Variants in DST observed in about 807,000 individuals in gnomAD.
DST encodes the protein dystonin, also known as bullous pemphigoid antigen.
Under a neutral mutation model 875.2 loss-of-function variants are expected in DST, and 253 were observed. The ratio of observed to expected loss-of-function variants is 0.29; its 90% CI spans 0.26 to 0.32. The LOEUF (loss-of-function observed/expected upper bound fraction) is 0.32. Among genes scored for constraint, DST ranks in the 10% least tolerant of loss-of-function variants. DST has a pLI of 1.00. For missense variants in DST, 8,287 were observed against 9,111.6 expected, an observed-to-expected ratio of 0.91 and a Z score of 3.68; for synonymous variants, 3,124 against 3,197.1, an observed-to-expected ratio of 0.98 and a Z score of 0.77.
rs920351862 is a variant in DST at position 56,679,665 on chromosome 6, G to A, written c.1048-8858C>T. Among the ~76,000 whole-genome samples the A allele has an allele frequency of 2.6e-4, 40 of 151,004 alleles. 1 individual carries two copies. Among genetic ancestry groups the A allele is most frequent in the African/African-American group, 7.6e-4 (31 of 40,992 alleles). Reference sequence around the variant, plus strand: ...ACGTGCCTGCGGTCCAAGCTTCCTCGGGCCCCTGAGGTGGGAGGATCACCT... The same window carrying A: ...ACGTGCCTGCGGTCCAAGCTTCCTCAGGCCCCTGAGGTGGGAGGATCACCT... On this transcript the variant is annotated intron_variant, in intron 9 of 103. Coordinates refer to ENST00000680361, the MANE Select transcript of DST (RefSeq NM_001374736.1).
chr6:56,581,540 G>A (rs909857843), intron 49 of DST, among the ~76,000 whole-genome samples: 2 of 152,160 alleles, frequency 1.3e-5, no homozygotes, highest in African/African-American at 4.8e-5. Context: ...TCAACAATGG[G>A]AAGGAGGAAA....
chr6:56,557,009 G>A (rs2097432768), intron 59 of DST, among the ~76,000 whole-genome samples: 1 of 152,112 alleles, frequency 6.6e-6, no homozygotes, highest in Admixed American at 6.5e-5. Flanking sequence ...TTACTTAATT[G>A]CATTAATACT....
Position 56,619,974 on chromosome 6 carries a change from G to T in DST, c.4929+4556C>A, listed in dbSNP as rs35599167. The T allele has an allele frequency of 3.0e-4, 481 of 1,613,934 alleles. 1 individual carries two copies. In the African/African-American group the frequency reaches 5.3e-3, roughly 18 times the overall value. Reference sequence around the variant, plus strand: ...TCTGCTTTCTGCTTGTCATGTTCTTGCTGGAGACCCGTTACTGCCCTGCAT... The same window carrying T: ...TCTGCTTTCTGCTTGTCATGTTCTTTCTGGAGACCCGTTACTGCCCTGCAT... On this transcript the variant is annotated intron_variant, in intron 36 of 103. Transcript: ENST00000680361.
intron 4 of DST, among the ~76,000 whole-genome samples, chr6:56,781,132 G>T (rs1489466576): frequency 6.6e-6 from 1 of 152,188 alleles, no homozygotes; most frequent in South Asian, 2.1e-4. Flanking sequence ...CTGTAGCCTT[G>T]TAGTATTGTT....
At chr6:56,750,431 G>A (rs1037453659) in intron 4 of DST, among the ~76,000 whole-genome samples, 1 of 152,086 alleles carries the variant, frequency 6.6e-6, no homozygotes, top group Admixed American at 6.6e-5. Flanking sequence ...TGAAGAACTG[G>A]ACACCTTTCT....
intron 3 of DST, among the ~76,000 whole-genome samples, chr6:56,892,491 T>G (rs1438663662): frequency 6.6e-6 from 1 of 151,776 alleles, no homozygotes; most frequent in Non-Finnish European, 1.5e-5. Flanking sequence ...ACTGGCTAAT[T>G]TGTTTTTAAT....
chr6:56,687,112 T>C (rs2099192379), intron 9 of DST, among the ~76,000 whole-genome samples: 1 of 152,174 alleles, frequency 6.6e-6, no homozygotes, highest in South Asian at 2.1e-4. Context: ...GGACACACAG[T>C]GGATGTAGAA....
intron 5 of DST, among the ~76,000 whole-genome samples, chr6:56,715,316 G>C (rs993078994): frequency 4.6e-5 from 7 of 152,182 alleles, no homozygotes; most frequent in African/African-American, 1.7e-4. Flanking sequence ...TAAGTAAATT[G>C]CTTCTGAATG....
chr6:56,757,733 C>T (rs572711488), intron 4 of DST, among the ~76,000 whole-genome samples: 2 of 152,282 alleles, frequency 1.3e-5, no homozygotes, highest in South Asian at 4.2e-4. Flanking sequence ...GACACAGACC[C>T]GATGAATATG....
In DST at chr6:56,515,668, T is replaced by C. The variant is rs2096572467; in HGVS notation, c.18358A>G (p.Lys6120Glu). The change falls in exon 72 of 104, where the codon AAA (lysine) becomes GAA (glutamate). Residue 6120 changes from lysine to glutamate, a missense_variant and splice_region_variant. Physicochemically the swap from Lys to Glu is moderately conservative, Grantham distance 56 (BLOSUM62 1). This residue lies in a region of DST where 1,292 missense variants were observed against 1,552.7 expected (regional missense o/e 0.83). Transcript: ENST00000680361. ...CSEEEKQSMK[K>E]KLDKVLKNYD... Reference sequence around the variant, plus strand: ...TTCTTCAGTACCTTGTCCAGTTTTTTCTAGAAAATAAAAGGATGAAATGTT... The same window carrying C: ...TTCTTCAGTACCTTGTCCAGTTTTTCCTAGAAAATAAAAGGATGAAATGTT... The C allele has an allele frequency of 2.5e-6, 4 of 1,586,830 alleles. No homozygotes were observed. The highest frequency in any genetic ancestry group is 3.4e-6 in the Non-Finnish European group (4 of 1,165,060).
intron 38 of DST, 125 bp from the exon 39 acceptor site, chr6:56,610,687 G>A: frequency 5.6e-6 from 4 of 708,732 alleles, no homozygotes; most frequent in Non-Finnish European, 8.9e-6. Context: ...ATATTGCTCA[G>A]GTCTCAGTAT....
At chr6:56,498,785 T>C (rs2096010899) in intron 80 of DST, among the ~76,000 whole-genome samples, 1 of 152,140 alleles carries the variant, frequency 6.6e-6, no homozygotes, top group African/African-American at 2.4e-5. Flanking sequence ...TGGAATTGAC[T>C]GCTAAGTTGA....
intron 50 of DST, among the ~76,000 whole-genome samples, chr6:56,577,236 G>GA (rs886420214): frequency 2.2e-4 from 34 of 151,948 alleles, no homozygotes; most frequent in Non-Finnish European, 4.9e-4. Context: ...TTAACAATAA[G>GA]AAAAAAATGT....
intron 2 of DST, among the ~76,000 whole-genome samples, chr6:56,914,532 T>C (rs1372754636): frequency 2.0e-5 from 3 of 152,176 alleles, no homozygotes; most frequent in African/African-American, 7.2e-5. Flanking sequence ...GCCATTGGCA[T>C]ATGCAACATA....
At chr6:56,472,311 G>T in intron 93 of DST, 89 bp from the exon 94 acceptor site, 2 of 1,161,092 alleles carry the variant, frequency 1.7e-6, no homozygotes. Context: ...AGCTAAGACT[G>T]CATCAACTTA....
chr6:56,508,670 A>T lies in DST; in HGVS notation c.19098T>A (p.Asp6366Glu), dbSNP rs1386838378. The change falls in exon 75 of 104, where the codon GAT becomes GAA. Residue 6366 changes from aspartate (D) to glutamate (E), a missense_variant. Transcript: ENST00000680361. ...AGAACTTTTCTGCTAGCTCCATCAC[A>T]TCCAGTAGTTTGGCTTCCCTCTCTT... ...LVEEREAKLL[D>E]VMELAEKFWC... 2 of 1,613,882 alleles carry T rather than the reference A, an allele frequency of 1.2e-6. No homozygotes were observed. The highest frequency in any genetic ancestry group is 2.2e-5 in the East Asian group (1 of 44,884).
At chr6:56,794,152 T>C (rs2099735860) in intron 4 of DST, among the ~76,000 whole-genome samples, 1 of 152,206 alleles carries the variant, frequency 6.6e-6, no homozygotes, top group Non-Finnish European at 1.5e-5. Flanking sequence ...ACACCAAGTA[T>C]GAGTTACTGC....
intron 4 of DST, among the ~76,000 whole-genome samples, chr6:56,788,689 G>T (rs1392469884): frequency 2.0e-5 from 3 of 152,092 alleles, no homozygotes; most frequent in African/African-American, 7.2e-5. Context: ...TAACAGTCTA[G>T]ATATTTTTCA....
At position 56,640,464 on chromosome 6, in the gene DST, C is replaced by G; in HGVS notation, c.2169G>C (p.Gln723His). 6.2e-7 allele frequency: 1 copy of G among 1,614,200 alleles called. No homozygotes were observed. The highest frequency in any genetic ancestry group is 8.5e-7 in the Non-Finnish European group (1 of 1,180,036). ...CTGAGGTCAGACTAGGGTGTAAGGT[C>G]TGTGCAAATCCTGAGTTTAAACTTT... ...ITQSLNSGFAQTLHPSLTSGL... is the reference protein window; with the variant it reads ...ITQSLNSGFAHTLHPSLTSGL... Residue 723 changes from glutamine (Q) to histidine (H), a missense_variant, in exon 18 of 104, where the codon CAG becomes CAC. Around this residue, in one of 10 missense-constraint regions of DST, gnomAD observed 1,160 missense variants for 1,424.3 expected, o/e 0.81. Transcript: ENST00000680361.
Sources: gnomAD v4.1 joint callset for allele counts (sites outside exome capture counted in the v4.1 genomes callset) on GRCh38, gnomAD v4.1.1 for gene constraint, gnomAD v4.1.1 regional missense constraint, MANE v1.5 for transcripts, NCBI Gene and HGNC (gene_info 2026-07-23, HGNC 2026-07-21) for gene names.